The following PADI3 variants were observed in gnomAD, a reference collection of about 807,000 sequenced individuals.
PADI3 encodes the protein protein-arginine deiminase type-3.
In PADI3, 53 loss-of-function variants were observed where a neutral mutation model predicts 71.5. The ratio of observed to expected loss-of-function variants is 0.74; its 90% CI spans 0.59 to 0.93. The LOEUF is 0.93. Among genes scored for constraint, PADI3 ranks in the 40% least tolerant of loss-of-function variants. PADI3 has a pLI of 0.00. For synonymous variants in PADI3, 361 were observed against 347.5 expected, an observed-to-expected ratio of 1.04 and a Z score of -0.43; for missense variants, 821 against 868.0, an observed-to-expected ratio of 0.95 and a Z score of 0.68.
At chr1:17,259,551 C>T in intron 1 of PADI3, 27 bp from the exon 2 acceptor site, 1 of 1,544,788 alleles carries the variant, frequency 6.5e-7, no homozygotes, top group Non-Finnish European at 8.7e-7. Context: ...TCCTTCGGCA[C>T]CGACCATGGC....
At chr1:17,250,501 C>T (rs1252688186) in intron 1 of PADI3, among the ~76,000 whole-genome samples, 4 of 151,988 alleles carry the variant, frequency 2.6e-5, no homozygotes, top group East Asian at 1.9e-4. Context: ...TCGGGAGCAG[C>T]GATGGGGTTG....
chr1:17,280,724 G>C lies in PADI3; in HGVS notation c.1689G>C (p.Glu563Asp). The C allele has an allele frequency of 1.9e-6, 3 of 1,614,204 alleles. No individual in the cohort carries two copies. The South Asian group carries it at 3.3e-5, about 18-fold the overall frequency. The change falls in exon 15 of 16, where the codon GAG becomes GAC. Residue 563 changes from glutamate to aspartate, a missense_variant. By Grantham distance (45) the Glu-to-Asp change is conservative. Coordinates refer to ENST00000375460, the MANE Select transcript of PADI3 (RefSeq NM_016233.2). ...EVLKRELGLA[E>D]CDIIDIPQLF... Reference sequence around the variant, plus strand: ...TGAAGCGGGAGCTGGGCCTGGCAGAGTGTGACATCATTGACATCCCACAGC... The same window carrying C: ...TGAAGCGGGAGCTGGGCCTGGCAGACTGTGACATCATTGACATCCCACAGC...
chr1:17,273,067 C>T (rs946056129), intron 9 of PADI3, among the ~76,000 whole-genome samples: 1 of 152,218 alleles, frequency 6.6e-6, no homozygotes, highest in African/African-American at 2.4e-5. Flanking sequence ...CCAGTACTCA[C>T]AGGGACACCC....
chr1:17,260,212 T>C (rs1488960884), intron 2 of PADI3, among the ~76,000 whole-genome samples: 1 of 152,142 alleles, frequency 6.6e-6, no homozygotes, highest in Non-Finnish European at 1.5e-5. Context: ...CACCGGTGCC[T>C]GGGAAGACCC....
At chr1:17,265,754 G>A in intron 4 of PADI3, 34 bp downstream of exon 4, 5 of 1,594,914 alleles carry the variant, frequency 3.1e-6, no homozygotes, top group Non-Finnish European at 4.3e-6. Context: ...GGAAGCAGGA[G>A]TGCAGTTGGA....
chr1:17,260,386 C>A (rs2073088590), intron 2 of PADI3, among the ~76,000 whole-genome samples: 1 of 152,136 alleles, frequency 6.6e-6, no homozygotes, highest in African/African-American at 2.4e-5. Flanking sequence ...GGGACCAGGA[C>A]TTGGAGTGTG....
intron 15 of PADI3, among the ~76,000 whole-genome samples, chr1:17,281,468 C>T (rs754742436): frequency 1.2e-3 from 154 of 133,828 alleles, no homozygotes; most frequent in Non-Finnish European, 2.1e-3. Flanking sequence ...TTTTTTGAGA[C>T]GGAGTCTCAC....
chr1:17,256,853 T>C (rs2073034453), intron 1 of PADI3, among the ~76,000 whole-genome samples: 1 of 151,988 alleles, frequency 6.6e-6, no homozygotes, highest in Non-Finnish European at 1.5e-5. Context: ...GCCAATATGG[T>C]GAAACCCTGT....
intron 1 of PADI3, among the ~76,000 whole-genome samples, chr1:17,255,145 A>T (rs982864108): frequency 1.3e-5 from 2 of 152,236 alleles, no homozygotes; most frequent in African/African-American, 4.8e-5. Flanking sequence ...TGCATTTTCA[A>T]TAAGGTGGGT....
In PADI3 at chr1:17,280,446, G is replaced by A. The variant is rs2073386459; in HGVS notation, c.1635+17G>A. The A allele has an allele frequency of 2.5e-6, 4 of 1,604,246 alleles. No individual in the cohort carries two copies. The East Asian group carries it at 6.7e-5, about 27-fold the overall frequency. On this transcript the variant is annotated intron_variant, in intron 14 of 15. Coordinates refer to ENST00000375460, the MANE Select transcript of PADI3 (RefSeq NM_016233.2). ...TTTGTGCAGGTACAAGGGCTGTGGT[G>A]TACCTGTGGGCTGTGATTTGGGAGT...
chr1:17,267,414 C>A (rs146135090), intron 5 of PADI3, among the ~76,000 whole-genome samples: 1 of 152,122 alleles, frequency 6.6e-6, no homozygotes, highest in East Asian at 1.9e-4. Context: ...GTGCTGTCCA[C>A]GGGAGATGCC....
At chr1:17,262,333 A>C (rs558073492) in intron 3 of PADI3, 128 bp downstream of exon 3, 1 of 648,630 alleles carries the variant, frequency 1.5e-6, no homozygotes, top group African/African-American at 1.9e-5. Flanking sequence ...CCCCAAACCC[A>C]GCATTTTTCT....
Position 17,273,386 on chromosome 1 carries a change from C to G in PADI3, c.1094C>G (p.Pro365Arg). Residue 365 changes from proline (P) to arginine (R), a missense_variant, in exon 10 of 16, where the codon CCG becomes CGG. By Grantham distance (103) the Pro-to-Arg change is moderately radical. Coordinates refer to ENST00000375460, the MANE Select transcript of PADI3 (RefSeq NM_016233.2). ...GYVQAPHKTL[P>R]VVFDSPRNGE... ...GTTCAGGCGCCGCACAAGACCCTCC[C>G]GGTGGTCTTTGACTCCCCAAGGAAT... 1 of 1,613,780 alleles carries G rather than the reference C, an allele frequency of 6.2e-7. No homozygotes were observed. The highest frequency in any genetic ancestry group is 1.1e-5 in the South Asian group (1 of 91,022).
At chr1:17,276,695 T>C (rs1485246124) in intron 12 of PADI3, 32 bp downstream of exon 12, 1 of 1,613,944 alleles carries the variant, frequency 6.2e-7, no homozygotes, top group Admixed American at 1.7e-5. Context: ...TGTCTTTCCC[T>C]GGCATCTGGG....
chr1:17,280,554 G>A (rs1029392442), intron 14 of PADI3, 117 bp from the exon 15 acceptor site: 9 of 1,528,296 alleles, frequency 5.9e-6, no homozygotes, highest in African/African-American at 2.7e-5. Context: ...GGCCCAGACA[G>A]AGGGGTCCCA....
rs780360752 is a variant in PADI3, at chr1:17,267,977, C to G, written c.652+15C>G. The G allele has an allele frequency of 8.7e-6, 14 of 1,613,690 alleles. No homozygotes were observed. Among genetic ancestry groups the G allele is most frequent in the Middle Eastern group, 3.3e-4 (2 of 6,084 alleles). ...CCACATCTGCGGTGAGTTTGTGCCA[C>G]TGCCCCTTGCCATCTGTGCCCTGTT... On this transcript the variant is annotated intron_variant, in intron 6 of 15. Transcript: ENST00000375460.
At chr1:17,261,502 C>T (rs1208781057) in intron 2 of PADI3, among the ~76,000 whole-genome samples, 3 of 152,248 alleles carry the variant, frequency 2.0e-5, no homozygotes, top group Non-Finnish European at 2.9e-5. Context: ...GGCCATCTGA[C>T]CTCAGAGCCC....
chr1:17,257,307 G>T (rs1035506504), intron 1 of PADI3, among the ~76,000 whole-genome samples: 3 of 152,230 alleles, frequency 2.0e-5, no homozygotes, highest in Admixed American at 1.3e-4. Flanking sequence ...GGCCAAACAG[G>T]CCAGAGGGCT....
intron 1 of PADI3, among the ~76,000 whole-genome samples, chr1:17,258,708 T>TA (rs1341777996): frequency 6.6e-6 from 1 of 152,234 alleles, no homozygotes; most frequent in Non-Finnish European, 1.5e-5. Context: ...TTGCTCACCT[T>TA]ACAGCTTGTA....
Sources: gnomAD v4.1 joint callset for allele counts (sites outside exome capture counted in the v4.1 genomes callset) on GRCh38, gnomAD v4.1.1 for gene constraint, MANE v1.5 for transcripts, NCBI Gene and HGNC (gene_info 2026-07-23, HGNC 2026-07-21) for gene names.